The following ZNF638 variants were observed in gnomAD, a reference collection of about 807,000 sequenced individuals.
ZNF638 encodes the protein zinc finger protein 638, also known as CTCL tumor antigen se33-1.
A neutral mutation model predicts 195.6 loss-of-function variants in ZNF638; 46 were observed. That is an observed-to-expected ratio of 0.24 (90% CI 0.19 to 0.30). The LOEUF is 0.30. Among genes scored for constraint, ZNF638 ranks in the 10% least tolerant of loss-of-function variants. The probability of loss-of-function intolerance (pLI) is 1.00; values close to 1 mark genes in which losing one functional copy is unlikely to be tolerated. For synonymous variants in ZNF638, 845 were observed against 772.0 expected, an observed-to-expected ratio of 1.09 and a Z score of -1.57; for missense variants, 2,440 against 2,325.3, an observed-to-expected ratio of 1.05 and a Z score of -1.01.
At chr2:71,399,261 A>C (rs572482820) in intron 12 of ZNF638, among the ~76,000 whole-genome samples, 92 of 152,300 alleles carry the variant, frequency 6.0e-4, no homozygotes, top group African/African-American at 2.1e-3. Context: ...AATTCTAAAG[A>C]ATCTTTGCAG....
chr2:71,344,586 TTA>T (rs1558829824), intron 1 of ZNF638, among the ~76,000 whole-genome samples: 1 of 151,926 alleles, frequency 6.6e-6, no homozygotes, highest in Admixed American at 6.6e-5. Flanking sequence ...TTCTCTAGAT[TTA>T]TTGCTAAGAA....
In ZNF638 at chr2:71,423,600, C is replaced by T; in HGVS notation, c.4086C>T (p.Tyr1362=). 1 of 1,613,948 alleles carries T rather than the reference C, an allele frequency of 6.2e-7. No individual in the cohort carries two copies. Among genetic ancestry groups the T allele is most frequent in the Non-Finnish European group, 8.5e-7 (1 of 1,179,998 alleles). The change falls in exon 22 of 28, where the codon TAC becomes TAT. Residue 1362 remains tyrosine, a synonymous_variant. Coordinates refer to ENST00000264447, the MANE Select transcript of ZNF638 (RefSeq NM_014497.5). ...KPAENTLFKA[Y]PNKGVGQANK... ...CAGAAAACACTTTATTCAAGGCATA[C>T]CCAAATAAAGGAGTGGGTCAGGCTA...
intron 20 of ZNF638, chr2:71,418,339 A>G (rs1444357003): frequency 3.6e-6 from 1 of 280,402 alleles, no homozygotes; most frequent in Non-Finnish European, 6.5e-6. Flanking sequence ...TCTAAAGTTA[A>G]TAAAGTTTCT....
chr2:71,395,958 C>G (rs1041911587), intron 10 of ZNF638, 183 bp from the exon 11 acceptor site: 11 of 628,876 alleles, frequency 1.7e-5, no homozygotes, highest in African/African-American at 3.7e-5. Flanking sequence ...ATCTGTATGC[C>G]TTTTGATACA....
chr2:71,354,729 C>T (rs1252191106), intron 2 of ZNF638, among the ~76,000 whole-genome samples: 2 of 101,510 alleles, frequency 2.0e-5, no homozygotes, highest in Non-Finnish European at 3.9e-5. Flanking sequence ...AAGAGTGAAA[C>T]TGTCTCAAAA....
Position 71,355,707 on chromosome 2 carries a change from C to T in ZNF638, c.1318-12C>T, listed in dbSNP as rs2079013207. On this transcript the variant is annotated splice_polypyrimidine_tract_variant and intron_variant, in intron 2 of 27. Transcript: ENST00000264447. ...ATATTCTAATTTCAACACTTTTCTC[C>T]TTTTACAATAGGATTGGATTCAGCA... is the stretch of plus-strand genomic sequence containing the variant. 2 of 1,565,426 alleles carry T rather than the reference C, an allele frequency of 1.3e-6. No homozygotes were observed. The highest frequency in any genetic ancestry group is 2.7e-5 in the African/African-American group (2 of 72,958).
intron 8 of ZNF638, among the ~76,000 whole-genome samples, chr2:71,376,525 GGAA>G (rs549695660): frequency 1.8e-4 from 28 of 152,300 alleles, no homozygotes; most frequent in African/African-American, 5.5e-4. Context: ...GAACAAACTA[GGAA>G]GAAGAAGAGC....
rs1459305941 is a variant in ZNF638, at chr2:71,424,688, T to C, written c.4563T>C (p.Thr1521=). The change falls in exon 23 of 28, where the codon ACT becomes ACC. Residue 1521 remains threonine, a synonymous_variant. Coordinates refer to ENST00000264447, the MANE Select transcript of ZNF638 (RefSeq NM_014497.5). The part of the protein sequence containing the change: ...AEQNTKNPKS[T]TGRSSKSKEE... ...AAAACACTAAGAATCCTAAAAGCAC[T>C]ACTGGTAGAAGTTCCAAATCTAAAG... The C allele has an allele frequency of 3.7e-6, 6 of 1,613,436 alleles. No individual in the cohort carries two copies. The Admixed American group carries it at 6.7e-5, about 18-fold the overall frequency.
At position 71,398,735 on chromosome 2, in the gene ZNF638, G is replaced by C. The variant is rs137938593; in HGVS notation, c.2463G>C (p.Thr821=). ...KSASSVKSVV[T]VAVKGNKASI... ...CAAGTTCTGTAAAATCTGTGGTAAC[G>C]GTAGCTGTTAAAGGTAATAAAGCTT... Residue 821 remains threonine, a synonymous_variant, in exon 12 of 28, where the codon ACG becomes ACC. Coordinates refer to ENST00000264447, the MANE Select transcript of ZNF638 (RefSeq NM_014497.5). 182 of 1,613,266 alleles carry C rather than the reference G, an allele frequency of 1.1e-4. 1 individual carries two copies. In the African/African-American group the frequency reaches 1.2e-3, roughly 10 times the overall value.
At chr2:71,408,507 G>T in intron 20 of ZNF638, 1 of 371,852 alleles carries the variant, frequency 2.7e-6, no homozygotes. Context: ...TTTGTGTATA[G>T]TGACTCTTTG....
At chr2:71,388,399 TC>T in intron 10 of ZNF638, 2 of 657,038 alleles carry the variant, frequency 3.0e-6, no homozygotes, top group South Asian at 1.5e-5. Context: ...TGACCTTTGA[TC>T]ATCCGCGTGC....
rs374673593 is a variant in ZNF638 at position 71,431,296 on chromosome 2, T to A, written c.5651-31T>A. The A allele has an allele frequency of 2.2e-5, 35 of 1,571,700 alleles. 1 individual carries two copies. The highest frequency in any genetic ancestry group is 2.6e-5 in the Non-Finnish European group (30 of 1,145,022). On this transcript the variant is annotated intron_variant, in intron 25 of 27. Transcript: ENST00000264447. ...CTTTACAAAGTCTGTAAATCTATTC[T>A]GAATAGCTTTTTTTCCTCGAAAAAT... is the stretch of plus-strand genomic sequence containing the variant.
At chr2:71,398,400 G>A (rs2079939956) in intron 11 of ZNF638, among the ~76,000 whole-genome samples, 1 of 152,060 alleles carries the variant, frequency 6.6e-6, no homozygotes, top group Non-Finnish European at 1.5e-5. Context: ...GTGGTGTCAT[G>A]TCAGCAGCAC....
chr2:71,430,749 A>G (rs2080641102), intron 25 of ZNF638, among the ~76,000 whole-genome samples: 1 of 152,190 alleles, frequency 6.6e-6, no homozygotes, highest in African/African-American at 2.4e-5. Flanking sequence ...ACTGAGGGTA[A>G]TCAGAATTGC....
intron 8 of ZNF638, among the ~76,000 whole-genome samples, chr2:71,377,776 A>G (rs1031207326): frequency 6.6e-6 from 1 of 152,230 alleles, no homozygotes; most frequent in Non-Finnish European, 1.5e-5. Context: ...CAGAAAGAGG[A>G]CATCATTTAA....
intron 21 of ZNF638, 148 bp from the exon 22 acceptor site, chr2:71,422,666 G>C: frequency 2.7e-6 from 2 of 741,856 alleles, no homozygotes; most frequent in Non-Finnish European, 4.3e-6. Flanking sequence ...TGATTGGTTG[G>C]ATTTCCCAGT....
Position 71,427,081 on chromosome 2 carries a change from G to A in ZNF638, c.5212G>A (p.Glu1738Lys), listed in dbSNP as rs768420880. The A allele has an allele frequency of 1.9e-6, 3 of 1,614,166 alleles. No individual in the cohort carries two copies. The South Asian group carries it at 3.3e-5, about 18-fold the overall frequency. ...EDPSTLVTVD[E>K]IQDDSSDLHL... ...CCCTTCTACTTTAGTTACTGTAGAT[G>A]AAATACAAGATGACAGCAGTGATTT... The change falls in exon 24 of 28, where the codon GAA becomes AAA. Residue 1738 changes from glutamate (E) to lysine (K), a missense_variant. This residue lies in a region of ZNF638 where 1,883 missense variants were observed against 1,739.1 expected (regional missense o/e 1.08). Coordinates refer to ENST00000264447, the MANE Select transcript of ZNF638 (RefSeq NM_014497.5).
intron 10 of ZNF638, among the ~76,000 whole-genome samples, chr2:71,383,762 C>CTTTTTTTTTTTTTTTTTTTTT (rs1181570876): frequency 9.1e-5 from 7 of 76,718 alleles, no homozygotes; most frequent in African/African-American, 2.6e-4. Flanking sequence ...TTTTCTTTTT[C>CTTTTTTTTTTTTTTTTTTTTT]TTTTTTTTTT....
At chr2:71,406,586 GCTAAGTTGGTTTACA>G (rs1180590159) in intron 19 of ZNF638, among the ~76,000 whole-genome samples, 1 of 152,096 alleles carries the variant, frequency 6.6e-6, no homozygotes, top group Non-Finnish European at 1.5e-5. Flanking sequence ...TGTGGTCTTG[GCTAAGTTGGTTTACA>G]CTTACTTGTA....
Sources: gnomAD v4.1 joint callset for allele counts (sites outside exome capture counted in the v4.1 genomes callset) on GRCh38, gnomAD v4.1.1 for gene constraint, gnomAD v4.1.1 regional missense constraint, MANE v1.5 for transcripts, NCBI Gene and HGNC (gene_info 2026-07-23, HGNC 2026-07-21) for gene names.